BIRC6: variants seen among roughly 807,000 people sequenced by gnomAD.
BIRC6 encodes dual E2 ubiquitin-conjugating enzyme/E3 ubiquitin-protein ligase BIRC6.
BIRC6 carries 98 observed loss-of-function variants against 503.3 expected under a neutral mutation model. That is an observed-to-expected ratio of 0.19 (90% CI 0.17 to 0.23). The LOEUF is 0.23. Ranked by LOEUF, BIRC6 falls within the 10% of genes least tolerant of loss-of-function variation. The pLI is 1.00. For missense variants in BIRC6, 5,360 were observed against 5,806.0 expected (o/e 0.92, Z 2.50); for synonymous variants, 2,240 against 2,078.7 (o/e 1.08, Z -2.11).
At chr2:32,582,106 C>G (rs1238356412) in intron 66 of BIRC6, among the ~76,000 whole-genome samples, 3 of 152,074 alleles carry the variant, frequency 2.0e-5, no homozygotes, top group African/African-American at 7.2e-5. Context: ...TGATCTGCCC[C>G]CCTCCGCCTC....
intron 1 of BIRC6, among the ~76,000 whole-genome samples, chr2:32,361,457 C>A (rs2034073224): frequency 6.6e-6 from 1 of 152,098 alleles, no homozygotes; most frequent in Non-Finnish European, 1.5e-5. Context: ...CTCACACAGC[C>A]TCCCACCCAT....
At chr2:32,405,487 G>A (rs752740015) in intron 8 of BIRC6, among the ~76,000 whole-genome samples, 5 of 152,012 alleles carry the variant, frequency 3.3e-5, no homozygotes, top group South Asian at 2.1e-4. Context: ...TTTTCAGTGC[G>A]GAATACCACT....
chr2:32,549,335 C>A lies in BIRC6; in HGVS notation c.12998C>A (p.Pro4333His). The A allele has an allele frequency of 6.9e-7, 1 of 1,457,464 alleles. No homozygotes were observed. The highest frequency in any genetic ancestry group is 9.2e-7 in the Non-Finnish European group (1 of 1,084,138). The allele number at this position is 1,457,464 out of a possible 1,614,324, so 90.3% of individuals were successfully genotyped here. The change falls in exon 65 of 74, where the codon CCC (proline) becomes CAC (histidine). Residue 4333 changes from proline to histidine, a missense_variant. Coordinates refer to ENST00000421745, the MANE Select transcript of BIRC6 (RefSeq NM_016252.4). ...TAGGTTCTTGCCAGTTACATAAATC[C>A]CGTCAGTAGTGCGGTAAATGGAGAA... ...LLQVLASYIN[P>H]VSSAVNGEAQ...
intron 22 of BIRC6, among the ~76,000 whole-genome samples, chr2:32,451,926 T>C (rs1351855611): frequency 1.3e-5 from 2 of 152,178 alleles, no homozygotes; most frequent in African/African-American, 4.8e-5. Flanking sequence ...TATACAGTGG[T>C]GAACCAATAT....
chr2:32,509,811 G>A lies in BIRC6; in HGVS notation c.10054G>A (p.Ala3352Thr). Residue 3352 changes from alanine to threonine, a missense_variant, in exon 52 of 74, where the codon GCT (alanine) becomes ACT (threonine). Transcript: ENST00000421745. ...SDLEGMMASA[A>T]APTANLLQTC... ...TCTAGAAGGAATGATGGCAAGTGCA[G>A]CTGCACCTACTGCTAATCTGCTGCA... 1 of 1,614,024 alleles carries A rather than the reference G, an allele frequency of 6.2e-7. No homozygotes were observed. The highest frequency in any genetic ancestry group is 8.5e-7 in the Non-Finnish European group (1 of 1,179,894).
At chr2:32,612,536 A>G (rs1177193729) in intron 73 of BIRC6, among the ~76,000 whole-genome samples, 3 of 152,002 alleles carry the variant, frequency 2.0e-5, no homozygotes, top group East Asian at 1.9e-4. Flanking sequence ...CTTCACTTCA[A>G]ACAACTAGTT....
At chr2:32,425,484 G>T (rs1202730012) in intron 10 of BIRC6, among the ~76,000 whole-genome samples, 3 of 117,418 alleles carry the variant, frequency 2.6e-5, no homozygotes, top group Non-Finnish European at 3.5e-5. Context: ...CTGTTTCTTT[G>T]AGTGCTTTGT....
intron 9 of BIRC6, among the ~76,000 whole-genome samples, chr2:32,408,281 T>C (rs983603676): frequency 6.6e-6 from 1 of 151,898 alleles, no homozygotes; most frequent in African/African-American, 2.4e-5. Flanking sequence ...CCTGGCTCTT[T>C]CTTTTGTTTT....
At chr2:32,528,636 T>A (rs1157869441) in intron 59 of BIRC6, 3 of 152,246 alleles carry the variant, frequency 2.0e-5, no homozygotes, top group Non-Finnish European at 4.4e-5. Context: ...ATATTTTTAC[T>A]GTTAAGTACT....
At chr2:32,376,306 G>C (rs2036772477) in intron 1 of BIRC6, among the ~76,000 whole-genome samples, 1 of 152,002 alleles carries the variant, frequency 6.6e-6, no homozygotes, top group African/African-American at 2.4e-5. Flanking sequence ...TCACATGGTG[G>C]TACTCATAAC....
In BIRC6 at chr2:32,464,565, A is replaced by T; in HGVS notation, c.4998A>T (p.Ala1666=). ...HQTTAAAAAA[A]SAVGPVHNSV... The stretch of plus-strand genomic sequence containing the variant: ...CAACAGCTGCAGCAGCTGCAGCAGC[A>T]TCAGCAGTAGGTCCTGTTCACAACT... The change falls in exon 25 of 74, where the codon GCA becomes GCT. Residue 1666 remains alanine, a synonymous_variant. Coordinates refer to ENST00000421745, the MANE Select transcript of BIRC6 (RefSeq NM_016252.4). 1 of 1,608,114 alleles carries T rather than the reference A, an allele frequency of 6.2e-7. No homozygotes were observed. The highest frequency in any genetic ancestry group is 8.5e-7 in the Non-Finnish European group (1 of 1,176,670).
chr2:32,564,433 T>A (rs1266207282), intron 65 of BIRC6: 1 of 152,218 alleles, frequency 6.6e-6, no homozygotes, highest in Non-Finnish European at 1.5e-5. Context: ...AGCATTAGCA[T>A]ACAAATATCT....
At chr2:32,391,350 G>T (rs2039204568) in intron 4 of BIRC6, among the ~76,000 whole-genome samples, 2 of 152,168 alleles carry the variant, frequency 1.3e-5, no homozygotes, top group Admixed American at 6.5e-5. Flanking sequence ...TTTGAGTTAG[G>T]GTCTATTGGA....
chr2:32,462,166 G>T (rs375472348), intron 23 of BIRC6, among the ~76,000 whole-genome samples: 3 of 151,762 alleles, frequency 2.0e-5, no homozygotes, highest in East Asian at 3.8e-4. Flanking sequence ...CTAAATATTT[G>T]CTATTCTTAT....
intron 42 of BIRC6, among the ~76,000 whole-genome samples, chr2:32,489,647 A>T (rs977057392): frequency 6.6e-5 from 10 of 152,090 alleles, no homozygotes; most frequent in African/African-American, 2.4e-5. Context: ...AAAATACAAA[A>T]ATTAGCCGGC....
intron 29 of BIRC6, 72 bp from the exon 30 acceptor site, chr2:32,469,319 GTATT>G: frequency 9.4e-7 from 1 of 1,060,938 alleles, no homozygotes; most frequent in East Asian, 2.6e-5. Flanking sequence ...AGAGGAAAGT[GTATT>G]TAGGCATGCG....
intron 1 of BIRC6, among the ~76,000 whole-genome samples, chr2:32,358,151 A>G (rs112627385): frequency 6.2e-4 from 94 of 152,190 alleles, no homozygotes; most frequent in African/African-American, 2.2e-3. Flanking sequence ...AGACGACTAG[A>G]CCTGGTCCCC....
Position 32,401,346 on chromosome 2 carries a change from A to C in BIRC6, c.1218A>C (p.Arg406=). The C allele has an allele frequency of 6.2e-7, 1 of 1,614,042 alleles. No individual in the cohort carries two copies. Among genetic ancestry groups the C allele is most frequent in the Non-Finnish European group, 8.5e-7 (1 of 1,179,902 alleles). ...ATTTTCTAGCTGCTGCAACTAAACG[A>C]GGAAAGATCTGCATATGGGATGTTT... ...CPHFLAAATK[R]GKICIWDVSK... is the part of the protein sequence containing the mutation. The change falls in exon 7 of 74, where the codon CGA becomes CGC. Residue 406 remains arginine (R), a synonymous_variant. Transcript: ENST00000421745.
chr2:32,508,024 A>T lies in BIRC6; in HGVS notation c.9745A>T (p.Asn3249Tyr). 6.2e-7 allele frequency: 1 copy of T among 1,613,890 alleles called. No individual in the cohort carries two copies. Among genetic ancestry groups the T allele is most frequent in the Non-Finnish European group, 8.5e-7 (1 of 1,179,860 alleles). ...VSVEVSADGV[N>Y]MLPLSTPVVT... ...TGTTGAAGTAAGTGCAGATGGGGTAAATATGCTACCTTTGTCCACTCCTGT... is the reference window on the plus strand; with the variant it reads ...TGTTGAAGTAAGTGCAGATGGGGTATATATGCTACCTTTGTCCACTCCTGT... The change falls in exon 51 of 74, where the codon AAT becomes TAT. Residue 3249 changes from asparagine (N) to tyrosine (Y), a missense_variant. Asn to Tyr is a moderately radical substitution (Grantham distance 143). This residue lies in a region of BIRC6 where 267 missense variants were observed against 287.6 expected (regional missense o/e 0.93). Transcript: ENST00000421745.
Sources: allele counts gnomAD v4.1 joint callset (sites outside exome capture counted in the v4.1 genomes callset), GRCh38; gene constraint gnomAD v4.1.1; regional missense constraint gnomAD v4.1.1; transcripts MANE v1.5; gene names NCBI Gene and HGNC (gene_info 2026-07-23, HGNC 2026-07-21).